Variants in DLGAP1 observed in about 807,000 individuals in gnomAD.
DLGAP1 encodes disks large-associated protein 1.
Under a neutral mutation model 90.8 loss-of-function variants are expected in DLGAP1, and 11 were observed. The observed-to-expected ratio is 0.12, with a 90% CI of 0.08 to 0.20. The LOEUF is 0.20. Among genes scored for constraint, DLGAP1 ranks in the 10% least tolerant of loss-of-function variants. The pLI is 1.00. For synonymous variants in DLGAP1, 558 were observed against 540.7 expected, an observed-to-expected ratio of 1.03 and a Z score of -0.44; for missense variants, 1,050 against 1,333.8, an observed-to-expected ratio of 0.79 and a Z score of 3.31.
At chr18:3,935,617 C>T (rs1251606428) in intron 3 of DLGAP1, among the ~76,000 whole-genome samples, 1 of 152,136 alleles carries the variant, frequency 6.6e-6, no homozygotes, top group Non-Finnish European at 1.5e-5. Context: ...TCTTGTTTGC[C>T]TCTTCCTCCC....
At chr18:3,694,945 T>TG (rs1462567706) in intron 7 of DLGAP1, among the ~76,000 whole-genome samples, 20 of 141,314 alleles carry the variant, frequency 1.4e-4, no homozygotes, top group Non-Finnish European at 2.4e-4. Flanking sequence ...TTTTGTTTTT[T>TG]TTTTTTTTTT....
At chr18:4,038,707 T>C (rs2074928276) in intron 2 of DLGAP1, among the ~76,000 whole-genome samples, 1 of 152,160 alleles carries the variant, frequency 6.6e-6, no homozygotes, top group Admixed American at 6.5e-5. Flanking sequence ...ATTTTTCCTC[T>C]TGGTAATTCA....
intron 9 of DLGAP1, among the ~76,000 whole-genome samples, chr18:3,557,850 C>T (rs2053847413): frequency 1.3e-5 from 2 of 151,586 alleles, no homozygotes; most frequent in South Asian, 4.2e-4. Flanking sequence ...CTGCTTGAAC[C>T]CAGGAGGCAG....
chr18:4,035,694 C>T (rs1056110968), intron 2 of DLGAP1, among the ~76,000 whole-genome samples: 2 of 152,162 alleles, frequency 1.3e-5, no homozygotes, highest in Non-Finnish European at 1.5e-5. Context: ...AAAAAGCTTT[C>T]GTGCTACCAT....
chr18:3,996,601 T>C (rs1219919514), intron 3 of DLGAP1, among the ~76,000 whole-genome samples: 1 of 152,050 alleles, frequency 6.6e-6, no homozygotes, highest in African/African-American at 2.4e-5. Context: ...ATAATTGTTA[T>C]ATTTAGTACA....
chr18:4,006,736 C>A (rs1178272922), intron 2 of DLGAP1, among the ~76,000 whole-genome samples: 1 of 151,858 alleles, frequency 6.6e-6, no homozygotes, highest in Non-Finnish European at 1.5e-5. Flanking sequence ...TCCTTGACCC[C>A]CAGTGTTCAA....
intron 3 of DLGAP1, among the ~76,000 whole-genome samples, chr18:3,944,327 C>T (rs1010188748): frequency 2.6e-5 from 4 of 152,176 alleles, no homozygotes; most frequent in Admixed American, 6.5e-5. Flanking sequence ...GAAACCCCAT[C>T]TCTACTAAAA....
intron 2 of DLGAP1, among the ~76,000 whole-genome samples, chr18:4,105,950 T>C (rs1444217638): frequency 6.9e-6 from 1 of 143,902 alleles, no homozygotes; most frequent in East Asian, 2.1e-4. Context: ...GAGAATGGCG[T>C]GAACCCGGGA....
chr18:3,978,835 G>C lies in DLGAP1; in HGVS notation c.-73+26281C>G, dbSNP rs1266805003. ...CACTTGGAATTTACTATGTTGTATA[G>C]GACAGATCTTGATGGACAGAGGCAG... On this transcript the variant is annotated intron_variant, in intron 3 of 12. Transcript: ENST00000315677. 4.6e-5 allele frequency among the ~76,000 whole-genome samples: 7 copies of C among 152,246 alleles called. No homozygotes were observed. In the East Asian group the frequency reaches 5.8e-4, roughly 13 times the overall value.
intron 1 of DLGAP1, among the ~76,000 whole-genome samples, chr18:4,297,167 A>G (rs1297355777): frequency 6.6e-6 from 1 of 152,164 alleles, no homozygotes; most frequent in Non-Finnish European, 1.5e-5. Flanking sequence ...AGATATGCCA[A>G]TTTTATAAAT....
At chr18:3,888,879 G>A (rs2071388884) in intron 3 of DLGAP1, among the ~76,000 whole-genome samples, 2 of 152,206 alleles carry the variant, frequency 1.3e-5, no homozygotes, top group South Asian at 4.1e-4. Context: ...GGACCTCGGA[G>A]ATATGCTTCC....
chr18:3,591,597 G>A (rs1168127369), intron 7 of DLGAP1, among the ~76,000 whole-genome samples: 4 of 151,830 alleles, frequency 2.6e-5, no homozygotes, highest in African/African-American at 9.7e-5. Flanking sequence ...CAGCTACTTG[G>A]AAGGCTGGGG....
At chr18:3,987,221 A>G (rs2073861470) in intron 3 of DLGAP1, among the ~76,000 whole-genome samples, 1 of 152,158 alleles carries the variant, frequency 6.6e-6, no homozygotes. Context: ...AAGTTGCCTC[A>G]AGGGGAGATT....
intron 1 of DLGAP1, among the ~76,000 whole-genome samples, chr18:4,411,383 T>A (rs561831921): frequency 1.3e-5 from 2 of 152,326 alleles, no homozygotes; most frequent in East Asian, 3.9e-4. Context: ...ACATCATGGC[T>A]GTTTGCAAGG....
chr18:3,498,345 A>G lies in DLGAP1; in HGVS notation c.*840T>C, dbSNP rs566760484. 2.0e-5 allele frequency: 3 copies of G among 152,344 alleles called. No homozygotes were observed. The highest frequency in any genetic ancestry group is 1.9e-4 in the East Asian group (1 of 5,192). The allele number at this position is 152,344 out of a possible 1,614,324, so 9.4% of individuals were successfully genotyped here. ...ATTTCAGGTCTAGATTTTCTTAATA[A>G]TAGAACAAAAAAATCCCTTATGTAG... On this transcript the variant is annotated 3_prime_UTR_variant, in exon 13 of 13. Coordinates refer to ENST00000315677, the MANE Select transcript of DLGAP1 (RefSeq NM_004746.4).
At chr18:3,987,906 G>A (rs28542980) in intron 3 of DLGAP1, among the ~76,000 whole-genome samples, 145 of 152,198 alleles carry the variant, frequency 9.5e-4, no homozygotes, top group African/African-American at 3.4e-3. Context: ...CAACCTTTTT[G>A]GCACCAGGGA....
At chr18:3,930,928 G>A (rs746164194) in intron 3 of DLGAP1, among the ~76,000 whole-genome samples, 1 of 152,210 alleles carries the variant, frequency 6.6e-6, no homozygotes, top group Non-Finnish European at 1.5e-5. Flanking sequence ...TTACGCAAAA[G>A]CTGGTTTAAA....
intron 7 of DLGAP1, among the ~76,000 whole-genome samples, chr18:3,637,907 T>A (rs188332330): frequency 1.3e-4 from 19 of 151,762 alleles, no homozygotes; most frequent in African/African-American, 4.6e-4. Flanking sequence ...CTATGGTTTG[T>A]TGCATTATCA....
At chr18:3,841,518 T>C (rs2068714783) in intron 4 of DLGAP1, among the ~76,000 whole-genome samples, 1 of 152,206 alleles carries the variant, frequency 6.6e-6, no homozygotes. Context: ...CTTTTTCTTT[T>C]ATTCTAAGGA....
Sources: gnomAD v4.1 joint callset for allele counts (sites outside exome capture counted in the v4.1 genomes callset) on GRCh38, gnomAD v4.1.1 for gene constraint, MANE v1.5 for transcripts, NCBI Gene and HGNC (gene_info 2026-07-23, HGNC 2026-07-21) for gene names.